Variants in RBMS3 observed in about 807,000 individuals in gnomAD.
RBMS3 encodes RNA binding motif single stranded interacting protein 3, also known as RNA-binding motif, single-stranded-interacting protein 3.
Under a neutral mutation model 66.8 loss-of-function variants are expected in RBMS3, and 27 were observed. The observed-to-expected ratio is 0.40, with a 90% CI of 0.30 to 0.56. The LOEUF is 0.56. Among genes scored for constraint, RBMS3 ranks in the 20% least tolerant of loss-of-function variants. RBMS3 has a pLI of 0.40. For missense variants in RBMS3, 513 were observed against 549.5 expected, an observed-to-expected ratio of 0.93 and a Z score of 0.66; for synonymous variants, 188 against 183.0, an observed-to-expected ratio of 1.03 and a Z score of -0.22.
intron 6 of RBMS3, among the ~76,000 whole-genome samples, chr3:29,811,976 A>C (rs892005818): frequency 2.0e-5 from 3 of 152,174 alleles, no homozygotes; most frequent in Non-Finnish European, 4.4e-5. Flanking sequence ...TTTGGGCTCT[A>C]CATGTCAATC....
chr3:29,900,773 T>G (rs1407078538), intron 10 of RBMS3, among the ~76,000 whole-genome samples: 5 of 151,828 alleles, frequency 3.3e-5, no homozygotes, highest in Non-Finnish European at 5.9e-5. Flanking sequence ...TGCATTATTA[T>G]TATCATTGTC....
At chr3:29,779,999 G>C (rs1340166049) in intron 6 of RBMS3, among the ~76,000 whole-genome samples, 1 of 151,552 alleles carries the variant, frequency 6.6e-6, no homozygotes, top group Non-Finnish European at 1.5e-5. Context: ...AGGAGGGATT[G>C]ATAAACCCTG....
intron 1 of RBMS3, among the ~76,000 whole-genome samples, chr3:29,316,728 A>G (rs1031551111): frequency 6.6e-6 from 1 of 151,638 alleles, no homozygotes; most frequent in Non-Finnish European, 1.5e-5. Context: ...TTTGAGCTAT[A>G]CTATTTAATA....
rs561852233 is a variant in RBMS3 at position 29,433,086 on chromosome 3, T to C, written c.76-1657T>C. Among the ~76,000 whole-genome samples, 3 of 151,432 alleles carry C rather than the reference T, an allele frequency of 2.0e-5. No homozygotes were observed. In the South Asian group the frequency reaches 6.3e-4, roughly 32 times the overall value. On this transcript the variant is annotated intron_variant, in intron 1 of 14. Coordinates refer to ENST00000383767, the MANE Select transcript of RBMS3 (RefSeq NM_001003793.3). ...GAAGTTTTGGGATGAAAAGACATAC[T>C]ATTTTCATGTTGAATATGTTTCTTG...
chr3:29,716,312 A>G (rs1207576746), intron 4 of RBMS3, among the ~76,000 whole-genome samples: 2 of 152,204 alleles, frequency 1.3e-5, no homozygotes, highest in Non-Finnish European at 2.9e-5. Context: ...TTACCATACA[A>G]TGGTGTTGAG....
chr3:29,434,675 G>A, intron 1 of RBMS3, 68 bp from the exon 2 acceptor site: 1 of 1,552,342 alleles, frequency 6.4e-7, no homozygotes, highest in Non-Finnish European at 8.7e-7. Flanking sequence ...TTGATTTCAA[G>A]TTGTGCTGCT....
chr3:29,348,571 TAA>T (rs201850631), intron 1 of RBMS3, among the ~76,000 whole-genome samples: 115 of 143,432 alleles, frequency 8.0e-4, no homozygotes, highest in Admixed American at 1.0e-3. Flanking sequence ...TTCTCTCTGT[TAA>T]AAAAAAAAAA....
At chr3:29,572,562 A>G (rs1161125894) in intron 3 of RBMS3, among the ~76,000 whole-genome samples, 3 of 152,210 alleles carry the variant, frequency 2.0e-5, no homozygotes, top group South Asian at 2.1e-4. Flanking sequence ...GATATGTTGT[A>G]TCACATTGAT....
intron 4 of RBMS3, among the ~76,000 whole-genome samples, chr3:29,665,807 T>TCTATATGAAACTTACCAACTGTGTA (rs2050728453): frequency 6.6e-6 from 1 of 152,220 alleles, no homozygotes; most frequent in Non-Finnish European, 1.5e-5. Context: ...AGGTAGGGAT[T>TCTATATGAAACTTACCAACTGTGTA]CTATATGAAA....
intron 10 of RBMS3, among the ~76,000 whole-genome samples, chr3:29,909,481 A>G (rs1250728380): frequency 1.3e-5 from 2 of 152,140 alleles, no homozygotes; most frequent in Non-Finnish European, 2.9e-5. Context: ...GGTAATGTTT[A>G]TCTTCCAAGT....
chr3:29,660,913 C>T (rs1052741763), intron 4 of RBMS3, among the ~76,000 whole-genome samples: 1 of 152,148 alleles, frequency 6.6e-6, no homozygotes, highest in African/African-American at 2.4e-5. Context: ...GGAAGAAGTG[C>T]AACAGTTATG....
intron 1 of RBMS3, among the ~76,000 whole-genome samples, chr3:29,428,119 A>G (rs1448649004): frequency 1.3e-5 from 2 of 152,228 alleles, no homozygotes; most frequent in African/African-American, 2.4e-5. Flanking sequence ...TTTTTAGGCC[A>G]TTGAGTTAGT....
At chr3:29,546,206 T>C (rs966763452) in intron 3 of RBMS3, among the ~76,000 whole-genome samples, 2 of 151,968 alleles carry the variant, frequency 1.3e-5, no homozygotes, top group African/African-American at 4.8e-5. Flanking sequence ...TTAGCTACTT[T>C]AGCTCATTTA....
intron 4 of RBMS3, among the ~76,000 whole-genome samples, chr3:29,603,006 G>T (rs2149120302): frequency 6.6e-6 from 1 of 152,004 alleles, no homozygotes; most frequent in African/African-American, 2.4e-5. Flanking sequence ...TTATCATAGG[G>T]TTTATGTGAC....
At chr3:29,839,243 G>T (rs2058605211) in intron 6 of RBMS3, among the ~76,000 whole-genome samples, 1 of 152,078 alleles carries the variant, frequency 6.6e-6, no homozygotes, top group Admixed American at 6.6e-5. Context: ...TTTCTGAGAG[G>T]TTTCTGTCAC....
intron 6 of RBMS3, among the ~76,000 whole-genome samples, chr3:29,819,601 T>G (rs1033274561): frequency 1.3e-5 from 2 of 152,212 alleles, no homozygotes; most frequent in Admixed American, 1.3e-4. Context: ...CATTTATTTA[T>G]CTAATCTTTT....
intron 3 of RBMS3, among the ~76,000 whole-genome samples, chr3:29,573,441 C>A (rs1012090638): frequency 3.3e-5 from 5 of 152,018 alleles, no homozygotes; most frequent in Admixed American, 3.3e-4. Flanking sequence ...TTATTTATTT[C>A]TTTATTTAGG....
At chr3:29,580,894 G>A (rs2047306739) in intron 3 of RBMS3, among the ~76,000 whole-genome samples, 1 of 152,126 alleles carries the variant, frequency 6.6e-6, no homozygotes, top group African/African-American at 2.4e-5. Context: ...TGTTACCCAT[G>A]TTATTTTACT....
At chr3:29,941,687 T>C (rs1272675736) in intron 11 of RBMS3, among the ~76,000 whole-genome samples, 3 of 151,566 alleles carry the variant, frequency 2.0e-5, no homozygotes. Context: ...TCAAATAAAT[T>C]ACCGACATAG....
Sources: gnomAD v4.1 joint callset for allele counts (sites outside exome capture counted in the v4.1 genomes callset) on GRCh38, gnomAD v4.1.1 for gene constraint, MANE v1.5 for transcripts, NCBI Gene and HGNC (gene_info 2026-07-23, HGNC 2026-07-21) for gene names.